EPHA3: variants seen among roughly 807,000 people sequenced by gnomAD.
EPHA3 encodes the protein ephrin type-A receptor 3.
In EPHA3, 42 loss-of-function variants were observed where a neutral mutation model predicts 107.1. The ratio of observed to expected loss-of-function variants is 0.39; its 90% confidence interval spans 0.31 to 0.51. The LOEUF (loss-of-function observed/expected upper bound fraction) is 0.51. EPHA3 is among the 20% of genes least tolerant of loss of function. The pLI is 0.78. For synonymous variants in EPHA3, 461 were observed against 424.8 expected (o/e 1.09, Z -1.05); for missense variants, 1,183 against 1,211.2 (o/e 0.98, Z 0.35).
At chr3:89,426,247 C>G (rs944595743) in intron 11 of EPHA3, among the ~76,000 whole-genome samples, 2 of 151,718 alleles carry the variant, frequency 1.3e-5, no homozygotes, top group East Asian at 1.9e-4. Context: ...CGCAGATGAG[C>G]TGGCATTTTA....
At chr3:89,302,823 G>A (rs551395166) in intron 3 of EPHA3, among the ~76,000 whole-genome samples, 2 of 152,024 alleles carry the variant, frequency 1.3e-5, no homozygotes, top group Non-Finnish European at 2.9e-5. Context: ...TGGTCCAGTA[G>A]CAATATTCAT....
chr3:89,382,454 G>T (rs1326560539), intron 5 of EPHA3, among the ~76,000 whole-genome samples: 1 of 149,166 alleles, frequency 6.7e-6, no homozygotes, highest in Non-Finnish European at 1.5e-5. Context: ...GCTGCTATGA[G>T]CTAAGATCGC....
chr3:89,182,243 C>T (rs1304147352), intron 2 of EPHA3, among the ~76,000 whole-genome samples: 1 of 151,866 alleles, frequency 6.6e-6, no homozygotes, highest in Non-Finnish European at 1.5e-5. Flanking sequence ...CCAACCATGC[C>T]TCCATGCTGA....
intron 9 of EPHA3, among the ~76,000 whole-genome samples, chr3:89,410,113 G>A (rs1438698982): frequency 6.6e-6 from 1 of 151,940 alleles, no homozygotes; most frequent in East Asian, 1.9e-4. Flanking sequence ...AAGATCAGCA[G>A]CCAGTGCTTC....
At chr3:89,469,928 T>A (rs1710367283) in intron 15 of EPHA3, among the ~76,000 whole-genome samples, 1 of 152,144 alleles carries the variant, frequency 6.6e-6, no homozygotes, top group African/African-American at 2.4e-5. Flanking sequence ...CTTAGACTAA[T>A]CTTTCATTTC....
chr3:89,192,895 G>A (rs1705752626), intron 2 of EPHA3, among the ~76,000 whole-genome samples: 1 of 151,918 alleles, frequency 6.6e-6, no homozygotes, highest in African/African-American at 2.4e-5. Context: ...CATCAGATTA[G>A]GATATAGCCA....
At chr3:89,290,840 T>G (rs1351811325) in intron 3 of EPHA3, among the ~76,000 whole-genome samples, 1 of 152,202 alleles carries the variant, frequency 6.6e-6, no homozygotes, top group Non-Finnish European at 1.5e-5. Context: ...CTTTTATAAT[T>G]GAAATAAATT....
intron 5 of EPHA3, among the ~76,000 whole-genome samples, chr3:89,342,910 A>G (rs1457406526): frequency 1.3e-5 from 2 of 151,782 alleles, no homozygotes; most frequent in African/African-American, 4.8e-5. Flanking sequence ...TTGGAGCCAA[A>G]GGGAGAGGGA....
intron 5 of EPHA3, among the ~76,000 whole-genome samples, chr3:89,346,670 G>A (rs1406131355): frequency 6.6e-6 from 1 of 150,860 alleles, no homozygotes; most frequent in Non-Finnish European, 1.5e-5. Flanking sequence ...TGCTTTTGGT[G>A]TTTAGACATG....
At chr3:89,196,073 C>T (rs867977077) in intron 2 of EPHA3, among the ~76,000 whole-genome samples, 2 of 152,094 alleles carry the variant, frequency 1.3e-5, no homozygotes, top group Admixed American at 6.6e-5. Flanking sequence ...CCTCTGAGGA[C>T]ATACAAGATA....
intron 13 of EPHA3, among the ~76,000 whole-genome samples, chr3:89,444,299 A>G (rs1709839210): frequency 6.6e-6 from 1 of 152,182 alleles, no homozygotes; most frequent in African/African-American, 2.4e-5. Flanking sequence ...AAGAATTTAA[A>G]GAGTTTATGA....
At position 89,472,589 on chromosome 3, in the gene EPHA3, C is replaced by T. The variant is rs1237470958; in HGVS notation, c.2816C>T (p.Ser939Phe). 6.2e-7 allele frequency: 1 copy of T among 1,612,566 alleles called. No homozygotes were observed. Among genetic ancestry groups the T allele is most frequent in the African/African-American group, 1.3e-5 (1 of 74,832 alleles). ...ATCTTCACGGGTGTGGAGTACAGTT[C>T]TTGTGACACAATAGCCAAGATTTCC... ...KEIFTGVEYS[S>F]CDTIAKISTD... Residue 939 changes from serine (S) to phenylalanine (F), a missense_variant, in exon 16 of 17, where the codon TCT (serine) becomes TTT (phenylalanine). Physicochemically the swap from Ser to Phe is radical, Grantham distance 155. Coordinates refer to ENST00000336596, the MANE Select transcript of EPHA3 (RefSeq NM_005233.6).
At chr3:89,218,886 T>C (rs1431489054) in intron 3 of EPHA3, among the ~76,000 whole-genome samples, 1 of 152,214 alleles carries the variant, frequency 6.6e-6, no homozygotes, top group African/African-American at 2.4e-5. Context: ...TTGGTGGGAC[T>C]GTAAACTAGT....
At chr3:89,363,012 A>C (rs1708123838) in intron 5 of EPHA3, among the ~76,000 whole-genome samples, 1 of 150,970 alleles carries the variant, frequency 6.6e-6, no homozygotes, top group African/African-American at 2.4e-5. Context: ...GCACCAAAGA[A>C]AATTACTCTT....
chr3:89,262,070 G>A (rs1219297925), intron 3 of EPHA3, among the ~76,000 whole-genome samples: 2 of 151,826 alleles, frequency 1.3e-5, no homozygotes, highest in African/African-American at 4.8e-5. Context: ...GTTTTCACTG[G>A]AAAGAACCCA....
At chr3:89,239,976 T>G (rs562499794) in intron 3 of EPHA3, among the ~76,000 whole-genome samples, 1 of 152,278 alleles carries the variant, frequency 6.6e-6, no homozygotes, top group Non-Finnish European at 1.5e-5. Context: ...CCAGACCTAT[T>G]CTAGCCATCT....
intron 1 of EPHA3, among the ~76,000 whole-genome samples, chr3:89,113,050 G>A (rs1242371332): frequency 2.0e-5 from 3 of 151,982 alleles, no homozygotes; most frequent in African/African-American, 4.8e-5. Context: ...TTATCATCAC[G>A]GAAGGTCAAT....
At chr3:89,342,896 A>ACACACACACAC (rs1559654817) in intron 5 of EPHA3, among the ~76,000 whole-genome samples, 17 of 130,716 alleles carry the variant, frequency 1.3e-4, no homozygotes, top group African/African-American at 5.3e-4. Flanking sequence ...CACACACACA[A>ACACACACACAC]ACATTGGAGC....
At chr3:89,384,022 A>G (rs1031003205) in intron 5 of EPHA3, among the ~76,000 whole-genome samples, 3 of 151,820 alleles carry the variant, frequency 2.0e-5, no homozygotes, top group African/African-American at 7.3e-5. Flanking sequence ...TCAAAACCAC[A>G]TGTTCATCAG....
Sources: allele counts gnomAD v4.1 joint callset (sites outside exome capture counted in the v4.1 genomes callset), GRCh38; gene constraint gnomAD v4.1.1; transcripts MANE v1.5; gene names NCBI Gene and HGNC (gene_info 2026-07-23, HGNC 2026-07-21).